Variants in POMK observed in about 807,000 individuals in gnomAD.
POMK encodes Sugen kinase 196.
A neutral mutation model predicts 23.0 loss-of-function variants in POMK; 19 were observed. The ratio of observed to expected loss-of-function variants is 0.83; its 90% CI spans 0.58 to 1.21. POMK has a LOEUF of 1.21. Among genes scored for constraint, POMK ranks in the 50% most tolerant of loss-of-function variants. The pLI is 0.00. For missense variants in POMK, 410 were observed against 431.3 expected, an observed-to-expected ratio of 0.95 and a Z score of 0.44; for synonymous variants, 173 against 171.6, an observed-to-expected ratio of 1.01 and a Z score of -0.06.
intron 4 of POMK, among the ~76,000 whole-genome samples, chr8:43,114,206 C>T (rs1382975840): frequency 6.6e-6 from 1 of 152,226 alleles, no homozygotes; most frequent in Non-Finnish European, 1.5e-5. Context: ...GTGCCCTGTC[C>T]CCAGAGGTGG....
chr8:43,094,543 CTT>C lies in POMK; in HGVS notation c.-210+981_-210+982del, dbSNP rs1811294432. Among the ~76,000 whole-genome samples the C allele has an allele frequency of 3.3e-5, 5 of 152,230 alleles. No homozygotes were observed. The South Asian group carries it at 1.0e-3, about 32-fold the overall frequency. On this transcript the variant is annotated intron_variant, in intron 1 of 4. Coordinates refer to ENST00000331373, the MANE Select transcript of POMK (RefSeq NM_032237.5). ...AAATTTCGCTGTTTTGTTGCATAAT[CTT>C]GTCTTTGCCACCCTTTGCCTTTGCT...
intron 4 of POMK, among the ~76,000 whole-genome samples, chr8:43,112,767 C>G (rs1796637898): frequency 6.6e-6 from 1 of 152,218 alleles, no homozygotes; most frequent in Non-Finnish European, 1.5e-5. Flanking sequence ...ATTCAACATT[C>G]TTAGAGAAAA....
rs539735079 is a variant in POMK at position 43,100,973 on chromosome 8, C to T, written c.-117-1532C>T. On this transcript the variant is annotated intron_variant, in intron 2 of 4. Coordinates refer to ENST00000331373, the MANE Select transcript of POMK (RefSeq NM_032237.5). ...GCCATAGAGGCACTGAAGTGTGTGCCATTGCTGGGAGAGTCAGCAGTGTGA... is the reference window on the plus strand; with the variant it reads ...GCCATAGAGGCACTGAAGTGTGTGCTATTGCTGGGAGAGTCAGCAGTGTGA... Among the ~76,000 whole-genome samples, 382 of 152,166 alleles carry T rather than the reference C, an allele frequency of 2.5e-3. 2 individuals carry two copies. Among genetic ancestry groups the T allele is most frequent in the South Asian group, 0.011 (53 of 4,826 alleles).
At chr8:43,113,194 C>T (rs946448244) in intron 4 of POMK, among the ~76,000 whole-genome samples, 1 of 152,160 alleles carries the variant, frequency 6.6e-6, no homozygotes, top group South Asian at 2.1e-4. Context: ...TGGATAATAT[C>T]CTGCAGAGTG....
At chr8:43,111,786 C>T (rs1294250089) in intron 4 of POMK, among the ~76,000 whole-genome samples, 2 of 152,194 alleles carry the variant, frequency 1.3e-5, no homozygotes, top group Non-Finnish European at 2.9e-5. Flanking sequence ...TCTGCAGCCC[C>T]CGCTGCTGAT....
rs749317230 is a variant in POMK at position 43,103,653 on chromosome 8, C to T, written c.105C>T (p.Tyr35=). The T allele has an allele frequency of 6.2e-7, 1 of 1,614,060 alleles. No homozygotes were observed. The highest frequency in any genetic ancestry group is 1.1e-5 in the South Asian group (1 of 91,084). Residue 35 remains tyrosine, a synonymous_variant, in exon 4 of 5, where the codon TAC becomes TAT. Coordinates refer to ENST00000331373, the MANE Select transcript of POMK (RefSeq NM_032237.5). The part of the protein sequence containing the change: ...LIMALMNTLL[Y]LCLDHFFIAP... ...TGGCCCTGATGAATACTCTGCTCTACCTCTGCCTCGACCACTTCTTCATCG... is the reference window on the plus strand; with the variant it reads ...TGGCCCTGATGAATACTCTGCTCTATCTCTGCCTCGACCACTTCTTCATCG...
At chr8:43,095,077 C>A (rs1050308014) in intron 1 of POMK, among the ~76,000 whole-genome samples, 7 of 152,172 alleles carry the variant, frequency 4.6e-5, no homozygotes, top group Admixed American at 6.5e-5. Flanking sequence ...TTTAAGAAAC[C>A]GGCAGTCCCA....
At chr8:43,109,394 C>CT (rs1281136410) in intron 4 of POMK, among the ~76,000 whole-genome samples, 1 of 152,020 alleles carries the variant, frequency 6.6e-6, no homozygotes, top group African/African-American at 2.4e-5. Context: ...CTTTCATTAT[C>CT]TTTTAATATT....
At chr8:43,118,427 C>A (rs1049922662) in intron 4 of POMK, among the ~76,000 whole-genome samples, 29 of 152,140 alleles carry the variant, frequency 1.9e-4, no homozygotes, top group African/African-American at 6.8e-4. Flanking sequence ...ACCAGGTTTC[C>A]TTTGGGTCGG....
intron 4 of POMK, among the ~76,000 whole-genome samples, chr8:43,108,522 G>A (rs939763693): frequency 6.6e-6 from 1 of 152,172 alleles, no homozygotes; most frequent in Admixed American, 6.5e-5. Context: ...GCTACAAGCT[G>A]TAAATAGCTT....
intron 4 of POMK, among the ~76,000 whole-genome samples, chr8:43,108,591 G>T (rs573456285): frequency 1.3e-5 from 2 of 152,100 alleles, no homozygotes; most frequent in African/African-American, 4.8e-5. Flanking sequence ...AAACAAAAAG[G>T]TTACTTCAGA....
In POMK at chr8:43,122,833, A is replaced by G; in HGVS notation, c.1009A>G (p.Thr337Ala). The G allele has an allele frequency of 6.2e-7, 1 of 1,613,702 alleles. No individual in the cohort carries two copies. The highest frequency in any genetic ancestry group is 8.5e-7 in the Non-Finnish European group (1 of 1,179,934). The stretch of plus-strand genomic sequence containing the variant: ...GGAGACCTACCAGAAGGTCTTGGAT[A>G]CACTTAGAGATGCCATGATGTCTCA... ...VLETYQKVLD[T>A]LRDAMMSQAR... The change falls in exon 5 of 5, where the codon ACA becomes GCA. Residue 337 changes from threonine (T) to alanine (A), a missense_variant. Thr to Ala is a moderately conservative substitution (Grantham distance 58). Transcript: ENST00000331373.
intron 4 of POMK, among the ~76,000 whole-genome samples, chr8:43,113,899 C>A (rs1811735858): frequency 6.6e-6 from 1 of 152,162 alleles, no homozygotes; most frequent in African/African-American, 2.4e-5. Context: ...TGCCTGGGTA[C>A]CAGCAGCGGT....
intron 2 of POMK, among the ~76,000 whole-genome samples, chr8:43,100,316 G>A (rs1811412294): frequency 6.6e-6 from 1 of 152,122 alleles, no homozygotes; most frequent in African/African-American, 2.4e-5. Flanking sequence ...GCAGCAGAGC[G>A]GGTGAGGGAC....
chr8:43,116,104 C>CT (rs2130618790), intron 4 of POMK, among the ~76,000 whole-genome samples: 1 of 152,362 alleles, frequency 6.6e-6, no homozygotes, highest in East Asian at 1.9e-4. Context: ...AAGCGCATTT[C>CT]TCTTTCCAAT....
At chr8:43,098,910 A>C (rs1811385301) in intron 2 of POMK, among the ~76,000 whole-genome samples, 1 of 152,066 alleles carries the variant, frequency 6.6e-6, no homozygotes, top group Non-Finnish European at 1.5e-5. Context: ...TCTACTTTGG[A>C]GAAATGTCTG....
intron 4 of POMK, among the ~76,000 whole-genome samples, chr8:43,116,945 G>A (rs1384854603): frequency 1.3e-5 from 2 of 152,044 alleles, no homozygotes; most frequent in African/African-American, 2.4e-5. Context: ...TAAGATTTGG[G>A]TAGGTAAAGG....
At chr8:43,105,927 C>T (rs999505336) in intron 4 of POMK, among the ~76,000 whole-genome samples, 112 of 152,328 alleles carry the variant, frequency 7.4e-4, no homozygotes, top group African/African-American at 2.6e-3. Flanking sequence ...TCCCAAAGTG[C>T]TGGGATTACA....
At chr8:43,114,932 A>C (rs907153840) in intron 4 of POMK, among the ~76,000 whole-genome samples, 1 of 152,124 alleles carries the variant, frequency 6.6e-6, no homozygotes, top group African/African-American at 2.4e-5. Context: ...CTGGGAGTCA[A>C]ATTTTTTTTT....
Sources: gnomAD v4.1 joint callset for allele counts (sites outside exome capture counted in the v4.1 genomes callset) on GRCh38, gnomAD v4.1.1 for gene constraint, MANE v1.5 for transcripts, NCBI Gene and HGNC (gene_info 2026-07-23, HGNC 2026-07-21) for gene names.